Variants in FBN1 observed in about 807,000 individuals in gnomAD.
The protein encoded by FBN1 is fibrillin-1.
A neutral mutation model predicts 365.1 loss-of-function variants in FBN1; 29 were observed. The ratio of observed to expected loss-of-function variants is 0.08; its 90% CI spans 0.06 to 0.11. FBN1 has a LOEUF of 0.11. FBN1 is among the 10% of genes least tolerant of loss of function. The pLI is 1.00. For synonymous variants in FBN1, 1,210 were observed against 1,270.5 expected, an observed-to-expected ratio of 0.95 and a Z score of 1.01; for missense variants, 2,476 against 3,703.2, an observed-to-expected ratio of 0.67 and a Z score of 8.60.
In FBN1 at chr15:48,541,185, G is replaced by A. The variant is rs1029348164; in HGVS notation, c.539-3377C>T. Among the ~76,000 whole-genome samples the A allele has an allele frequency of 2.6e-5, 4 of 151,610 alleles. No individual in the cohort carries two copies. In the East Asian group the frequency reaches 7.7e-4, roughly 29 times the overall value. On this transcript the variant is annotated intron_variant, in intron 6 of 65. Coordinates refer to ENST00000316623, the MANE Select transcript of FBN1 (RefSeq NM_000138.5). ...ATTTCAATATGAAATACATAGAATC[G>A]AGATGGTAGTTGTTAATTCTGACAA...
intron 63 of FBN1, among the ~76,000 whole-genome samples, chr15:48,416,086 T>C (rs1279840707): frequency 6.6e-6 from 1 of 152,196 alleles, no homozygotes; most frequent in African/African-American, 2.4e-5. Flanking sequence ...ACTGGTATCT[T>C]CTGCTCCATG....
intron 5 of FBN1, 78 bp from the exon 6 acceptor site, chr15:48,596,456 G>C (rs1221731603): frequency 1.5e-6 from 2 of 1,354,784 alleles, no homozygotes; most frequent in East Asian, 4.6e-5. Flanking sequence ...TCCTCTGGAA[G>C]GACAACAATA....
intron 9 of FBN1, among the ~76,000 whole-genome samples, chr15:48,523,565 T>C (rs1431400222): frequency 6.6e-6 from 1 of 152,212 alleles, no homozygotes; most frequent in Non-Finnish European, 1.5e-5. Context: ...TTTATATAAC[T>C]TATAATTTTA....
chr15:48,477,637 C>T (rs956812012), intron 32 of FBN1, among the ~76,000 whole-genome samples: 1 of 152,046 alleles, frequency 6.6e-6, no homozygotes, highest in Non-Finnish European at 1.5e-5. Flanking sequence ...GGAAAACAAG[C>T]AAACAAAAAT....
At chr15:48,508,202 G>A (rs2043727197) in intron 15 of FBN1, among the ~76,000 whole-genome samples, 1 of 152,142 alleles carries the variant, frequency 6.6e-6, no homozygotes, top group Non-Finnish European at 1.5e-5. Flanking sequence ...AGATGTAAGA[G>A]GTGGCAAATA....
chr15:48,640,556 T>C (rs1166089225), intron 2 of FBN1, among the ~76,000 whole-genome samples: 1 of 152,162 alleles, frequency 6.6e-6, no homozygotes, highest in Non-Finnish European at 1.5e-5. Flanking sequence ...TCCCTTGGAG[T>C]TTGCCATCAC....
intron 4 of FBN1, among the ~76,000 whole-genome samples, chr15:48,600,886 G>A (rs1024223132): frequency 5.9e-5 from 9 of 152,096 alleles, no homozygotes; most frequent in African/African-American, 1.4e-4. Flanking sequence ...TAATTTTCCC[G>A]TGAAAAGATT....
intron 63 of FBN1, chr15:48,416,775 T>A (rs1054557100): frequency 6.6e-6 from 1 of 152,252 alleles, no homozygotes; most frequent in Non-Finnish European, 1.5e-5. Flanking sequence ...TGGTAAGACA[T>A]TTCTTAACTG....
rs968204844 is a variant in FBN1 at position 48,513,420 on chromosome 15, T to G, written c.1588+129A>C. 45 of 1,324,754 alleles carry G rather than the reference T, an allele frequency of 3.4e-5. No homozygotes were observed. In the African/African-American group the frequency reaches 6.2e-4, roughly 18 times the overall value. The allele number at this position is 1,324,754 out of a possible 1,614,324, so 82.1% of individuals were successfully genotyped here. A position where few individuals can be genotyped will look rare whatever the true frequency, so the allele number is the denominator to read the frequency against. On this transcript the variant is annotated intron_variant, in intron 13 of 65. Coordinates refer to ENST00000316623, the MANE Select transcript of FBN1 (RefSeq NM_000138.5). ...CAGAATGACAATAGGTGGAACTAAG[T>G]TCAAAAAAGCCACGGGACTGTATTA...
intron 58 of FBN1, among the ~76,000 whole-genome samples, chr15:48,426,225 A>T (rs767296972): frequency 6.6e-6 from 1 of 152,214 alleles, no homozygotes; most frequent in Non-Finnish European, 1.5e-5. Context: ...CTGACATCTA[A>T]TAAATGAATC....
intron 3 of FBN1, among the ~76,000 whole-genome samples, chr15:48,611,163 A>G (rs1291053954): frequency 6.6e-6 from 1 of 152,224 alleles, no homozygotes; most frequent in African/African-American, 2.4e-5. Flanking sequence ...ACATATTTAT[A>G]TGATCACAAG....
chr15:48,494,331 T>G, intron 22 of FBN1, 77 bp from the exon 23 acceptor site: 1 of 1,081,812 alleles, frequency 9.2e-7, no homozygotes, highest in East Asian at 2.4e-5. Flanking sequence ...TCTGACATAG[T>G]GTAAGAAACA....
chr15:48,532,500 A>ATGTGTGTG (rs1566921224), intron 8 of FBN1, among the ~76,000 whole-genome samples: 23 of 107,120 alleles, frequency 2.1e-4, no homozygotes, highest in African/African-American at 8.0e-4. Flanking sequence ...GTATATATAT[A>ATGTGTGTG]TGTGTATGTG....
chr15:48,493,662 T>G (rs2043579647), intron 23 of FBN1, among the ~76,000 whole-genome samples: 1 of 152,218 alleles, frequency 6.6e-6, no homozygotes, highest in African/African-American at 2.4e-5. Context: ...ATCCCACATA[T>G]GGGACTAATT....
intron 2 of FBN1, among the ~76,000 whole-genome samples, chr15:48,620,456 T>C (rs1889745635): frequency 6.6e-6 from 1 of 152,182 alleles, no homozygotes; most frequent in Non-Finnish European, 1.5e-5. Context: ...TTATAATTAA[T>C]GTGAGGAAGC....
intron 6 of FBN1, among the ~76,000 whole-genome samples, chr15:48,590,218 C>T (rs1343223999): frequency 6.6e-6 from 1 of 152,126 alleles, no homozygotes; most frequent in Non-Finnish European, 1.5e-5. Flanking sequence ...TTTATTAATA[C>T]CTTCCTGAAA....
intron 6 of FBN1, among the ~76,000 whole-genome samples, chr15:48,593,057 C>G (rs1490872068): frequency 6.6e-6 from 1 of 152,140 alleles, no homozygotes; most frequent in Non-Finnish European, 1.5e-5. Flanking sequence ...GCAAGTAAGA[C>G]TAATTGCTTT....
At chr15:48,602,195 C>T (rs2044572950) in intron 4 of FBN1, among the ~76,000 whole-genome samples, 2 of 152,122 alleles carry the variant, frequency 1.3e-5, no homozygotes, top group Admixed American at 6.6e-5. Context: ...CTCCAAAACC[C>T]ATTTCAAATA....
chr15:48,549,253 T>A (rs547465649), intron 6 of FBN1, among the ~76,000 whole-genome samples: 2 of 152,334 alleles, frequency 1.3e-5, no homozygotes, highest in Non-Finnish European at 2.9e-5. Context: ...GTTCGATGAA[T>A]CTGAACACAA....
Sources: gnomAD v4.1 joint callset for allele counts (sites outside exome capture counted in the v4.1 genomes callset) on GRCh38, gnomAD v4.1.1 for gene constraint, MANE v1.5 for transcripts, NCBI Gene and HGNC (gene_info 2026-07-23, HGNC 2026-07-21) for gene names.